Variants in CROT observed in about 807,000 individuals in gnomAD.
The protein encoded by CROT is peroxisomal carnitine O-octanoyltransferase.
CROT carries 84 observed loss-of-function variants against 89.2 expected under a neutral mutation model. The observed-to-expected ratio is 0.94, with a 90% CI of 0.79 to 1.13. CROT has a LOEUF of 1.13. Ranked by LOEUF, CROT falls within the 50% of genes most tolerant of loss-of-function variation. The pLI is 0.00. For synonymous variants in CROT, 212 were observed against 239.5 expected (o/e 0.89, Z 1.06); for missense variants, 711 against 727.8 (o/e 0.98, Z 0.27).
At chr7:87,371,992 T>TCAAAAAAAAAAAAA (rs1262502920) in intron 7 of CROT, among the ~76,000 whole-genome samples, 1 of 75,716 alleles carries the variant, frequency 1.3e-5, no homozygotes, top group Non-Finnish European at 2.5e-5. Context: ...AGACGCTGTC[T>TCAAAAAAAAAAAAA]CAAAAAAAAA....
intron 11 of CROT, 38 bp from the exon 12 acceptor site, chr7:87,382,036 C>A: frequency 6.4e-7 from 1 of 1,570,232 alleles, no homozygotes; most frequent in Non-Finnish European, 8.7e-7. Context: ...CCTAATAGTT[C>A]TATAGATAAA....
At chr7:87,377,145 A>G (rs1471522833) in intron 9 of CROT, among the ~76,000 whole-genome samples, 1 of 152,102 alleles carries the variant, frequency 6.6e-6, no homozygotes, top group East Asian at 1.9e-4. Flanking sequence ...TGAGATTTTG[A>G]GAAGCCCCTA....
At chr7:87,382,712 G>A (rs1807059303) in intron 13 of CROT, among the ~76,000 whole-genome samples, 169 bp downstream of exon 13, 1 of 152,044 alleles carries the variant, frequency 6.6e-6, no homozygotes, top group African/African-American at 2.4e-5. Context: ...GATCTGTGGT[G>A]GTTTCACAGT....
chr7:87,359,291 C>G lies in CROT; in HGVS notation c.201C>G (p.His67Gln). The part of the protein sequence containing the change: ...KFQSGIGEKL[H>Q]QKLLERAKGK... The stretch of plus-strand genomic sequence containing the variant: ...AAAGTGGGATTGGAGAAAAATTGCA[C>G]CAGAAATTGCTTGAAAGAGCAAAAG... The change falls in exon 4 of 18, where the codon CAC becomes CAG. Residue 67 changes from histidine (H) to glutamine (Q), a missense_variant. Transcript: ENST00000331536. 6.3e-7 allele frequency: 1 copy of G among 1,599,878 alleles called. No individual in the cohort carries two copies. Among genetic ancestry groups the G allele is most frequent in the Non-Finnish European group, 8.6e-7 (1 of 1,169,120 alleles).
At chr7:87,348,619 T>G (rs1455860177) in intron 2 of CROT, among the ~76,000 whole-genome samples, 1 of 152,260 alleles carries the variant, frequency 6.6e-6, no homozygotes, top group Non-Finnish European at 1.5e-5. Flanking sequence ...AAGATTGTAG[T>G]CTTAACAGAT....
intron 3 of CROT, among the ~76,000 whole-genome samples, chr7:87,350,846 G>T (rs1163186658): frequency 6.6e-6 from 1 of 152,200 alleles, no homozygotes; most frequent in African/African-American, 2.4e-5. Context: ...TACTTTACCT[G>T]TCACCTGAAT....
intron 2 of CROT, among the ~76,000 whole-genome samples, chr7:87,347,412 T>C (rs910288757): frequency 5.3e-5 from 8 of 152,208 alleles, no homozygotes; most frequent in Non-Finnish European, 1.2e-4. Context: ...TTAACCACTC[T>C]AAGATAAGGA....
chr7:87,361,341 A>T (rs771186096), intron 4 of CROT, 49 bp from the exon 5 acceptor site: 4 of 1,495,288 alleles, frequency 2.7e-6, no homozygotes, highest in Non-Finnish European at 3.7e-6. Context: ...GTAGTTACAC[A>T]TTCATGTATT....
intron 2 of CROT, among the ~76,000 whole-genome samples, chr7:87,346,939 G>A (rs1805701401): frequency 6.6e-6 from 1 of 152,186 alleles, no homozygotes; most frequent in Non-Finnish European, 1.5e-5. Context: ...CTTTTCTGGA[G>A]GCTCTAGGGG....
chr7:87,357,108 A>C (rs1806104070), intron 3 of CROT, among the ~76,000 whole-genome samples: 3 of 152,236 alleles, frequency 2.0e-5, no homozygotes, highest in Admixed American at 2.0e-4. Flanking sequence ...AAAAGGTGAC[A>C]GTCAGAAGGC....
Position 87,398,678 on chromosome 7 carries a change from TATC to T in CROT, c.*37_*39del. ...CATCTATTAAGCACTTACCAAAACA[TATC>T]ATTAAACTGAGTGCTGGGAGTGAGT... On this transcript the variant is annotated 3_prime_UTR_variant, in exon 18 of 18. Coordinates refer to ENST00000331536, the MANE Select transcript of CROT (RefSeq NM_021151.4). 6.2e-7 allele frequency: 1 copy of T among 1,601,208 alleles called. No individual in the cohort carries two copies. The highest frequency in any genetic ancestry group is 1.7e-5 in the Admixed American group (1 of 59,432).
In CROT at chr7:87,392,648, C is replaced by G; in HGVS notation, c.1504+4C>G. 2 of 1,612,316 alleles carry G rather than the reference C, an allele frequency of 1.2e-6. No homozygotes were observed. The highest frequency in any genetic ancestry group is 1.7e-6 in the Non-Finnish European group (2 of 1,179,020). On this transcript the variant is annotated splice_donor_region_variant and intron_variant, in intron 15 of 17. Transcript: ENST00000331536. ...AAAGATTGTTCAGCTGGAAAAGGTA[C>G]TTAAGTTAAAATTTTTCTGACTTAA...
chr7:87,374,848 T>C (rs1160232999), intron 7 of CROT, among the ~76,000 whole-genome samples: 2 of 152,078 alleles, frequency 1.3e-5, no homozygotes, highest in African/African-American at 4.8e-5. Context: ...TGACCATTTA[T>C]TAAGCTACAT....
At chr7:87,369,759 G>A (rs1338753507) in intron 7 of CROT, 2 of 160,218 alleles carry the variant, frequency 1.2e-5, no homozygotes, top group Non-Finnish European at 2.7e-5. Context: ...TACTAGTTTA[G>A]TGTGTTCCAT....
At position 87,356,530 on chromosome 7, in the gene CROT, GAA is replaced by G. The variant is rs1291895854; in HGVS notation, c.116-2675_116-2674del. Among the ~76,000 whole-genome samples, 5 of 152,264 alleles carry G rather than the reference GAA, an allele frequency of 3.3e-5. No homozygotes were observed. In the East Asian group the frequency reaches 9.6e-4, roughly 29 times the overall value. Reference sequence around the variant, plus strand: ...TAACAGATTCAAATCAGGCAGAAAAGAAGAGAAAAATAGAGAGCTTTAGAAGA... The same window carrying G: ...TAACAGATTCAAATCAGGCAGAAAAGGAGAAAAATAGAGAGCTTTAGAAGA... On this transcript the variant is annotated intron_variant, in intron 3 of 17. Transcript: ENST00000331536.
Position 87,381,444 on chromosome 7 carries a change from C to G in CROT, c.979-466C>G, listed in dbSNP as rs113686643. Among the ~76,000 whole-genome samples the G allele has an allele frequency of 5.9e-5, 9 of 152,246 alleles. 1 individual carries two copies. Among genetic ancestry groups the G allele is most frequent in the African/African-American group, 1.9e-4 (8 of 41,552 alleles). On this transcript the variant is annotated intron_variant, in intron 10 of 17. Transcript: ENST00000331536. ...GTATAAAAAACACAAAATGGTTATG[C>G]TTTCTAATATTCACTAAGTGGCCTA...
At position 87,381,989 on chromosome 7, in the gene CROT, G is replaced by A. The variant is rs1199260108; in HGVS notation, c.1058G>A (p.Trp353Ter). 1 of 1,600,928 alleles carries A rather than the reference G, an allele frequency of 6.2e-7. No homozygotes were observed. Among genetic ancestry groups the A allele is most frequent in the Admixed American group, 1.7e-5 (1 of 59,836 alleles). Residue 353 changes from tryptophan to a stop codon, truncating the protein, a stop_gained, in exon 11 of 18, where the codon TGG (tryptophan) becomes TAG (stop). Coordinates refer to ENST00000331536, the MANE Select transcript of CROT (RefSeq NM_021151.4). LOFTEE classifies it high-confidence loss of function. ...DEKIFQNEGR[W>*]KGSEKVRDIP... ...AAAATTTTTCAGAATGAAGGAAGAT[G>A]GAAGGTATGTTTGAATAAATATTTC...
intron 3 of CROT, among the ~76,000 whole-genome samples, chr7:87,350,361 C>A (rs1386216332): frequency 6.6e-6 from 1 of 152,096 alleles, no homozygotes; most frequent in Non-Finnish European, 1.5e-5. Context: ...TGGGAAGTTT[C>A]TCCTGTCAGA....
rs200447525 is a variant in CROT at position 87,391,686 on chromosome 7, C to T, written c.1399C>T (p.Gln467Ter). ...SCTVEAVRWCQSMQDPSVNLR... is the reference protein window; with the variant it reads ...SCTVEAVRWC ...CACAGTTGAAGCAGTGAGGTGGTGC[C>T]AGTCCATGCAGGATCCTTCTGTCAA... The change falls in exon 14 of 18, where the codon CAG (glutamine) becomes TAG (stop). Residue 467 changes from glutamine (Q) to a stop codon, truncating the protein, a stop_gained. Transcript: ENST00000331536. LOFTEE classifies it high-confidence loss of function. 1.2e-4 allele frequency: 197 copies of T among 1,609,858 alleles called. 1 individual carries two copies. The highest frequency in any genetic ancestry group is 4.2e-6 in the Non-Finnish European group (5 of 1,178,522).
Sources: allele counts gnomAD v4.1 joint callset (sites outside exome capture counted in the v4.1 genomes callset), GRCh38; gene constraint gnomAD v4.1.1; transcripts MANE v1.5; gene names NCBI Gene and HGNC (gene_info 2026-07-23, HGNC 2026-07-21).